The following GALM variants were observed in gnomAD, a reference collection of about 807,000 sequenced individuals.
The protein encoded by GALM is galactose mutarotase.
Under a neutral mutation model 37.4 loss-of-function variants are expected in GALM, and 43 were observed. The observed-to-expected ratio is 1.15, with a 90% CI of 0.90 to 1.48. The LOEUF is 1.48. Ranked by LOEUF, GALM falls within the 40% of genes most tolerant of loss-of-function variation. GALM has a pLI of 0.00. For missense variants in GALM, 456 were observed against 419.1 expected (o/e 1.09, Z -0.77); for synonymous variants, 199 against 170.6 (o/e 1.17, Z -1.30).
chr2:38,676,408 A>G (rs1362011596), intron 2 of GALM, among the ~76,000 whole-genome samples: 6 of 152,298 alleles, frequency 3.9e-5, no homozygotes, highest in African/African-American at 7.2e-5. Flanking sequence ...ACATTGACAT[A>G]TATTATCTCT....
intron 2 of GALM, among the ~76,000 whole-genome samples, chr2:38,676,637 C>T (rs1665266268): frequency 6.6e-6 from 1 of 152,154 alleles, no homozygotes; most frequent in South Asian, 2.1e-4. Flanking sequence ...GTGGCGGCCA[C>T]CTGTAATCCC....
In GALM at chr2:38,685,464, G is replaced by C. The variant is rs149930380; in HGVS notation, c.552+3978G>C. On this transcript the variant is annotated intron_variant, in intron 3 of 6. Transcript: ENST00000272252. ...AGTGATATTGCACAATGTCTTTAAA[G>C]TCCCCTGCAAATCATAATGGGCTCT... 6.2e-3 allele frequency among the ~76,000 whole-genome samples: 947 copies of C among 152,278 alleles called. 13 individuals are homozygous for C. The highest frequency in any genetic ancestry group is 0.022 in the African/African-American group (902 of 41,554).
At chr2:38,696,599 T>C (rs1018865982) in intron 4 of GALM, among the ~76,000 whole-genome samples, 1 of 151,586 alleles carries the variant, frequency 6.6e-6, no homozygotes, top group Non-Finnish European at 1.5e-5. Context: ...ACCCAGGTAA[T>C]TTTTTCTTTT....
chr2:38,712,797 G>A (rs1233013024), intron 4 of GALM, among the ~76,000 whole-genome samples: 1 of 152,140 alleles, frequency 6.6e-6, no homozygotes, highest in Non-Finnish European at 1.5e-5. Flanking sequence ...GGCTGGCCTC[G>A]AATTTAGGTT....
At chr2:38,704,968 A>G (rs1164460040) in intron 4 of GALM, among the ~76,000 whole-genome samples, 2 of 152,208 alleles carry the variant, frequency 1.3e-5, no homozygotes, top group Non-Finnish European at 2.9e-5. Context: ...CCTACTGGAA[A>G]ACACATTACT....
intron 1 of GALM, among the ~76,000 whole-genome samples, chr2:38,669,920 T>C (rs951470082): frequency 6.8e-6 from 1 of 146,574 alleles, no homozygotes; most frequent in African/African-American, 2.5e-5. Context: ...TTTAGTGCAG[T>C]GGCGCTATCT....
intron 1 of GALM, among the ~76,000 whole-genome samples, chr2:38,671,940 G>A (rs1338130824): frequency 1.3e-5 from 2 of 151,864 alleles, no homozygotes; most frequent in Non-Finnish European, 2.9e-5. Flanking sequence ...GAGCCGTGAT[G>A]GCACCACTGC....
chr2:38,667,280 G>C (rs1361781262), intron 1 of GALM, among the ~76,000 whole-genome samples: 3 of 152,140 alleles, frequency 2.0e-5, no homozygotes, highest in African/African-American at 7.2e-5. Context: ...GAGGAGGTTT[G>C]AGGTTTTCCT....
chr2:38,731,231 C>T (rs1364697194), intron 5 of GALM, among the ~76,000 whole-genome samples: 1 of 151,610 alleles, frequency 6.6e-6, no homozygotes, highest in Non-Finnish European at 1.5e-5. Flanking sequence ...CATCTCAAAA[C>T]AAACAAACAA....
chr2:38,673,268 C>G (rs58902700), intron 1 of GALM, among the ~76,000 whole-genome samples: 6,453 of 152,198 alleles, frequency 0.042, 323 homozygotes, highest in African/African-American at 0.12. Context: ...CTCTGCTGAT[C>G]TGAAGTAGAC....
At chr2:38,673,873 TG>T (rs1665176055) in intron 1 of GALM, among the ~76,000 whole-genome samples, 1 of 151,116 alleles carries the variant, frequency 6.6e-6, no homozygotes, top group African/African-American at 2.4e-5. Context: ...TGTCATGACA[TG>T]GAGCAATCTG....
In GALM at chr2:38,701,680, C is replaced by T. The variant is rs77260649; in HGVS notation, c.634+11786C>T. On this transcript the variant is annotated intron_variant, in intron 4 of 6. Transcript: ENST00000272252. ...TTTTGTATTTTATTTCAACCTCTGTCGGTTAAACCTACAATTCGGCAGATG... is the reference window on the plus strand; with the variant it reads ...TTTTGTATTTTATTTCAACCTCTGTTGGTTAAACCTACAATTCGGCAGATG... Among the ~76,000 whole-genome samples the T allele has an allele frequency of 3.6e-3, 541 of 152,274 alleles. 1 individual carries two copies. Among genetic ancestry groups the T allele is most frequent in the African/African-American group, 0.012 (517 of 41,556 alleles).
intron 2 of GALM, among the ~76,000 whole-genome samples, chr2:38,681,026 G>A (rs1665380494): frequency 6.6e-6 from 1 of 151,954 alleles, no homozygotes; most frequent in Admixed American, 6.6e-5. Flanking sequence ...ATCATACTCG[G>A]GAGGCTGAGG....
intron 4 of GALM, among the ~76,000 whole-genome samples, chr2:38,716,472 T>C (rs1219446057): frequency 1.3e-5 from 2 of 152,216 alleles, no homozygotes; most frequent in Non-Finnish European, 2.9e-5. Context: ...TGAATGGCAC[T>C]ATAAGTAGAA....
intron 1 of GALM, among the ~76,000 whole-genome samples, chr2:38,667,053 T>C (rs1664961320): frequency 6.6e-6 from 1 of 152,194 alleles, no homozygotes; most frequent in African/African-American, 2.4e-5. Context: ...GTCCCCACTC[T>C]TGCGGTTTGG....
At chr2:38,670,063 A>G (rs1665053044) in intron 1 of GALM, among the ~76,000 whole-genome samples, 4 of 151,838 alleles carry the variant, frequency 2.6e-5, no homozygotes, top group Middle Eastern at 3.4e-3. Flanking sequence ...GGGTTTCACC[A>G]TATTGGTCAG....
intron 4 of GALM, among the ~76,000 whole-genome samples, chr2:38,719,989 C>T (rs1666344054): frequency 6.6e-6 from 1 of 151,664 alleles, no homozygotes; most frequent in Non-Finnish European, 1.5e-5. Context: ...ATTGCTTGAG[C>T]CTAGGAGTTT....
chr2:38,666,857 C>T (rs957557788), intron 1 of GALM, among the ~76,000 whole-genome samples: 1 of 152,078 alleles, frequency 6.6e-6, no homozygotes, highest in Non-Finnish European at 1.5e-5. Flanking sequence ...CCTAGTACAC[C>T]AGCTACCCAA....
At chr2:38,672,585 G>A (rs1665137107) in intron 1 of GALM, among the ~76,000 whole-genome samples, 1 of 152,190 alleles carries the variant, frequency 6.6e-6, no homozygotes, top group Non-Finnish European at 1.5e-5. Flanking sequence ...AGACTGTCTG[G>A]ATTCAAGTCT....
Sources: allele counts gnomAD v4.1 joint callset (sites outside exome capture counted in the v4.1 genomes callset), GRCh38; gene constraint gnomAD v4.1.1; transcripts MANE v1.5; gene names NCBI Gene and HGNC (gene_info 2026-07-23, HGNC 2026-07-21).